The following PLIN2 variants were observed in gnomAD, a reference collection of about 807,000 sequenced individuals.
PLIN2 encodes the protein perilipin 2.
PLIN2 carries 33 observed loss-of-function variants against 30.6 expected under a neutral mutation model. The ratio of observed to expected loss-of-function variants is 1.08; its 90% CI spans 0.82 to 1.44. The LOEUF (loss-of-function observed/expected upper bound fraction) is 1.44, where lower values mean the gene tolerates loss of function less well. PLIN2 is among the 40% of genes most tolerant of loss of function. The pLI, the probability that PLIN2 is intolerant of heterozygous loss-of-function variation, is 0.00. For missense variants in PLIN2, 610 were observed against 531.8 expected (o/e 1.15, Z -1.45); for synonymous variants, 205 against 201.1 (o/e 1.02, Z -0.16).
chr9:19,126,461 G>A lies in PLIN2; in HGVS notation c.-22-13C>T. ...TGGAGAAAGAAATCTGCAGAAAAGA[G>A]ACTTATTTCAGAACACCGGGATAAG... On this transcript the variant is annotated splice_polypyrimidine_tract_variant and intron_variant, in intron 1 of 7. Transcript: ENST00000276914. 1 of 1,546,820 alleles carries A rather than the reference G, an allele frequency of 6.5e-7. No individual in the cohort carries two copies. Among genetic ancestry groups the A allele is most frequent in the Non-Finnish European group, 8.9e-7 (1 of 1,120,480 alleles).
Position 19,116,286 on chromosome 9 carries a change from T to G in PLIN2, c.1276A>C (p.Ser426Arg). The part of the protein sequence containing the change: ...QDQGAEMDKS[S>R]QETQRSEHKT... ...TGCTCAGATCGCTGGGTCTCCTGGC[T>G]GCTCTTGTCCATCTCTGCACCTTGG... The change falls in exon 8 of 8, where the codon AGC (serine) becomes CGC (arginine). Residue 426 changes from serine (S) to arginine (R), a missense_variant. Ser to Arg is a moderately radical substitution (Grantham distance 110). Coordinates refer to ENST00000276914, the MANE Select transcript of PLIN2 (RefSeq NM_001122.4). 4 of 1,608,826 alleles carry G rather than the reference T, an allele frequency of 2.5e-6. No homozygotes were observed. Among genetic ancestry groups the G allele is most frequent in the Non-Finnish European group, 3.4e-6 (4 of 1,177,092 alleles).
downstream of PLIN2, among the ~76,000 whole-genome samples, chr9:19,114,271 G>A (rs1021208598): frequency 8.5e-5 from 13 of 152,218 alleles, no homozygotes; most frequent in East Asian, 1.7e-3. Flanking sequence ...GTTATGTGCC[G>A]CTTCCTTGTT....
downstream of PLIN2, among the ~76,000 whole-genome samples, chr9:19,111,299 C>A (rs371528520): frequency 1.3e-3 from 204 of 152,014 alleles, 6 homozygotes; most frequent in South Asian, 0.04. Context: ...TCTGCCGACT[C>A]GGCCTCCCAA....
intron 4 of PLIN2, among the ~76,000 whole-genome samples, chr9:19,122,849 C>A (rs1048001768): frequency 2.0e-5 from 3 of 152,166 alleles, no homozygotes; most frequent in South Asian, 2.1e-4. Flanking sequence ...CCTGCTGGTC[C>A]ATGGAAAAAC....
rs1262020729 is a variant in PLIN2, at chr9:19,116,395, C to T, written c.1167G>A (p.Met389Ile). Residue 389 changes from methionine (M) to isoleucine (I), a missense_variant, in exon 8 of 8, where the codon ATG becomes ATA. By Grantham distance (10) the Met-to-Ile change is conservative (BLOSUM62 1). Coordinates refer to ENST00000276914, the MANE Select transcript of PLIN2 (RefSeq NM_001122.4). ...QKMKESLDDV[M>I]DYLVNNTPLN... is the part of the protein sequence containing the mutation. ...GGGGCGTGTTGTTAACAAGATAATCCATCACGTCATCTAAAGATTCCTTCA... is the reference window on the plus strand; with the variant it reads ...GGGGCGTGTTGTTAACAAGATAATCTATCACGTCATCTAAAGATTCCTTCA... The T allele has an allele frequency of 6.2e-7, 1 of 1,614,204 alleles. No individual in the cohort carries two copies. The highest frequency in any genetic ancestry group is 8.5e-7 in the Non-Finnish European group (1 of 1,180,048).
In PLIN2 at chr9:19,121,002, C is replaced by T; in HGVS notation, c.473G>A (p.Gly158Asp). ...SVEKTKSVVS[G>D]SINTVLGSRM... is the part of the protein sequence containing the mutation. Reference sequence around the variant, plus strand: ...ACTCCCCAAGACTGTGTTAATGCTGCCACTGACCACAGACTTGGTCTTCTC... The same window carrying T: ...ACTCCCCAAGACTGTGTTAATGCTGTCACTGACCACAGACTTGGTCTTCTC... Residue 158 changes from glycine (G) to aspartate (D), a missense_variant, in exon 5 of 8, where the codon GGC becomes GAC. Physicochemically the swap from Gly to Asp is moderately conservative, Grantham distance 94. Transcript: ENST00000276914. The T allele has an allele frequency of 1.2e-6, 2 of 1,614,190 alleles. No individual in the cohort carries two copies. Among genetic ancestry groups the T allele is most frequent in the Non-Finnish European group, 1.7e-6 (2 of 1,180,026 alleles).
chr9:19,117,044 C>T (rs948957882), intron 7 of PLIN2, among the ~76,000 whole-genome samples: 1 of 152,176 alleles, frequency 6.6e-6, no homozygotes, highest in African/African-American at 2.4e-5. Flanking sequence ...TTCATATTGA[C>T]TTCAGAGCTT....
Position 19,120,809 on chromosome 9 carries a change from A to C in PLIN2, c.595+71T>G, listed in dbSNP as rs968408022. 5 of 1,199,214 alleles carry C rather than the reference A, an allele frequency of 4.2e-6. No individual in the cohort carries two copies. In the East Asian group the frequency reaches 9.4e-5, roughly 22 times the overall value. 74.3% of individuals were successfully genotyped at this position (1,199,214 alleles called of 1,614,324 possible). Reference sequence around the variant, plus strand: ...TGTGTAAATTTAGACTCAAGATGAGAGTATATGTCAATGAAGCTGTTTAAG... The same window carrying C: ...TGTGTAAATTTAGACTCAAGATGAGCGTATATGTCAATGAAGCTGTTTAAG... On this transcript the variant is annotated intron_variant, in intron 5 of 7. Coordinates refer to ENST00000276914, the MANE Select transcript of PLIN2 (RefSeq NM_001122.4).
intron 7 of PLIN2, 74 bp downstream of exon 7, chr9:19,118,247 A>G: frequency 7.3e-7 from 1 of 1,372,890 alleles, no homozygotes; most frequent in South Asian, 1.4e-5. Context: ...AAGACATAGT[A>G]TGGAAAAATT....
chr9:19,118,235 C>G, intron 7 of PLIN2, 86 bp downstream of exon 7: 1 of 1,314,278 alleles, frequency 7.6e-7, no homozygotes, highest in Non-Finnish European at 1.1e-6. Context: ...GAAGAGTATT[C>G]TAAGACATAG....
chr9:19,126,264 A>G lies in PLIN2; in HGVS notation c.76T>C (p.Tyr26His), dbSNP rs1818396266. 8.7e-6 allele frequency: 14 copies of G among 1,614,038 alleles called. No individual in the cohort carries two copies. Among genetic ancestry groups the G allele is most frequent in the Non-Finnish European group, 1.2e-5 (14 of 1,179,996 alleles). ...AGATAGGCTGAGGACATGAGGTCAT[A>G]CGTGGAGCTCACCAAGGGCAGGTTG... is the stretch of plus-strand genomic sequence containing the variant. The part of the protein sequence containing the change: ...VVNLPLVSST[Y>H]DLMSSAYLST... Residue 26 changes from tyrosine to histidine, a missense_variant, in exon 3 of 8, where the codon TAT becomes CAT. Tyr to His is a moderately conservative substitution (Grantham distance 83). Transcript: ENST00000276914.
chr9:19,121,413 G>T (rs1275122136), intron 4 of PLIN2, among the ~76,000 whole-genome samples: 3 of 146,718 alleles, frequency 2.0e-5, no homozygotes, highest in Non-Finnish European at 4.5e-5. Flanking sequence ...TATGAAATTT[G>T]TCTGTTTGCC....
At chr9:19,108,646 A>G (rs1818122060) in exon 3 of PLIN2, 1 of 152,666 alleles carries the variant, frequency 6.6e-6, no homozygotes, top group African/African-American at 2.4e-5. Context: ...GGACAGGGCC[A>G]TTAGCATGTG....
At chr9:19,119,881 G>T in intron 5 of PLIN2, 50 bp from the exon 6 acceptor site, 1 of 1,251,118 alleles carries the variant, frequency 8.0e-7, no homozygotes, top group Non-Finnish European at 1.1e-6. Context: ...ACAGTGACAA[G>T]TGATAAGGCC....
intron 3 of PLIN2, 149 bp from the exon 4 acceptor site, chr9:19,123,796 G>C: frequency 1.6e-6 from 1 of 614,068 alleles, no homozygotes; most frequent in Non-Finnish European, 2.8e-6. Context: ...TGAGGCAGGC[G>C]GATCACGAGG....
chr9:19,120,184 G>A (rs1415535822), intron 5 of PLIN2, among the ~76,000 whole-genome samples: 5 of 151,644 alleles, frequency 3.3e-5, no homozygotes, highest in Admixed American at 6.6e-5. Context: ...TCAGCCTCCC[G>A]AGTAGCTAGG....
At chr9:19,119,028 T>C (rs1248500402) in intron 6 of PLIN2, among the ~76,000 whole-genome samples, 3 of 152,192 alleles carry the variant, frequency 2.0e-5, no homozygotes, top group Non-Finnish European at 4.4e-5. Flanking sequence ...GAGTAAAGGA[T>C]AAGTTAGCAT....
intron 1 of PLIN2, among the ~76,000 whole-genome samples, chr9:19,126,721 CTT>C (rs1212181349): frequency 2.6e-5 from 4 of 152,174 alleles, no homozygotes; most frequent in African/African-American, 4.8e-5. Flanking sequence ...ACATACTTCT[CTT>C]GTTTCTCCGA....
chr9:19,119,822 G>A lies in PLIN2; in HGVS notation c.605C>T (p.Ala202Val). The A allele has an allele frequency of 6.4e-7, 1 of 1,559,656 alleles. No individual in the cohort carries two copies. The highest frequency in any genetic ancestry group is 8.7e-7 in the Non-Finnish European group (1 of 1,147,744). ...CAGATCAAATCCTTCAACTTTTTTT[G>A]CTTCTTTTTCTGAAGTTAGAAATAA... ...PLTEEELEKE[A>V]KKVEGFDLVQ... The change falls in exon 6 of 8, where the codon GCA (alanine) becomes GTA (valine). Residue 202 changes from alanine to valine, a missense_variant. Transcript: ENST00000276914.
Sources: allele counts gnomAD v4.1 joint callset (sites outside exome capture counted in the v4.1 genomes callset), GRCh38; gene constraint gnomAD v4.1.1; transcripts MANE v1.5; gene names NCBI Gene and HGNC (gene_info 2026-07-23, HGNC 2026-07-21).